The following KLHDC4 variants were observed in gnomAD, a reference collection of about 807,000 sequenced individuals.
KLHDC4 encodes the protein kelch domain containing 4.
Under a neutral mutation model 62.4 loss-of-function variants are expected in KLHDC4, and 90 were observed. The observed-to-expected ratio is 1.44, with a 90% CI of 1.22 to 1.72. The LOEUF (loss-of-function observed/expected upper bound fraction) is 1.72, where lower values mean the gene tolerates loss of function less well. KLHDC4 is among the 40% of genes most tolerant of loss of function. The pLI is 0.00. For missense variants in KLHDC4, 1,025 were observed against 699.7 expected (o/e 1.47, Z -5.25); for synonymous variants, 386 against 284.4 (o/e 1.36, Z -3.59).
chr16:87,702,518 C>T (rs1054247459), exon 1 of KLHDC4: 133 of 356,002 alleles, frequency 3.7e-4, no homozygotes, highest in Non-Finnish European at 5.0e-4. Flanking sequence ...CAGGCATGTC[C>T]GTGGCCTCCT....
intron 7 of KLHDC4, among the ~76,000 whole-genome samples, chr16:87,723,200 C>CT (rs60066913): frequency 0.057 from 8,690 of 152,212 alleles, 312 homozygotes; most frequent in South Asian, 0.15. Context: ...AGGCTACTGA[C>CT]TTTTTTTTAC....
At chr16:87,737,388 G>T (rs970554794) in intron 5 of KLHDC4, among the ~76,000 whole-genome samples, 2 of 151,958 alleles carry the variant, frequency 1.3e-5, no homozygotes, top group African/African-American at 4.8e-5. Context: ...AGGAGTTCAA[G>T]ACCAGCCTGG....
chr16:87,755,179 C>A lies in KLHDC4; in HGVS notation c.369+15G>T. ...GGGAAGAGGGAGGGTGGCTGAGAGTCAGTGCTGACATTACCTGGTGAGCAC... is the reference window on the plus strand; with the variant it reads ...GGGAAGAGGGAGGGTGGCTGAGAGTAAGTGCTGACATTACCTGGTGAGCAC... On this transcript the variant is annotated intron_variant, in intron 4 of 11. Transcript: ENST00000270583. 1.9e-6 allele frequency: 3 copies of A among 1,566,168 alleles called. No individual in the cohort carries two copies. Among genetic ancestry groups the A allele is most frequent in the Middle Eastern group, 1.7e-4 (1 of 5,756 alleles).
At chr16:87,742,144 G>A (rs959223555) in intron 5 of KLHDC4, among the ~76,000 whole-genome samples, 4 of 151,942 alleles carry the variant, frequency 2.6e-5, no homozygotes, top group African/African-American at 9.7e-5. Flanking sequence ...TCTCTCAGCA[G>A]CGGCCACATA....
intron 2 of KLHDC4, among the ~76,000 whole-genome samples, chr16:87,759,101 G>A (rs970803612): frequency 2.6e-5 from 4 of 152,194 alleles, no homozygotes; most frequent in African/African-American, 9.7e-5. Context: ...GAACCTGGGA[G>A]GTGGAGGTTG....
downstream of KLHDC4, among the ~76,000 whole-genome samples, chr16:87,705,260 A>G (rs1248110852): frequency 1.3e-5 from 2 of 152,230 alleles, no homozygotes; most frequent in Non-Finnish European, 2.9e-5. Context: ...CTATCTGGCC[A>G]CCAAGTAGTT....
chr16:87,716,194 C>T (rs755129973), intron 7 of KLHDC4, among the ~76,000 whole-genome samples: 6 of 148,820 alleles, frequency 4.0e-5, no homozygotes, highest in African/African-American at 1.5e-4. Flanking sequence ...ACTTTGGGTA[C>T]ACGCTATGGT....
intron 7 of KLHDC4, among the ~76,000 whole-genome samples, chr16:87,721,238 G>C (rs982435922): frequency 2.6e-5 from 4 of 152,082 alleles, no homozygotes; most frequent in African/African-American, 9.7e-5. Flanking sequence ...GGCTAACGCA[G>C]TAAAACCCCG....
At chr16:87,713,240 C>A (rs1436895722) in intron 8 of KLHDC4, among the ~76,000 whole-genome samples, 1 of 152,064 alleles carries the variant, frequency 6.6e-6, no homozygotes. Flanking sequence ...CGCTCTGTCG[C>A]CCAGGCTGGA....
chr16:87,713,697 G>C (rs533722578), intron 8 of KLHDC4, among the ~76,000 whole-genome samples: 1 of 152,058 alleles, frequency 6.6e-6, no homozygotes, highest in African/African-American at 2.4e-5. Flanking sequence ...AACATGAAAC[G>C]TGCCATGTGT....
chr16:87,765,376 A>G (rs2046494393), intron 1 of KLHDC4: 1 of 466,934 alleles, frequency 2.1e-6, no homozygotes, highest in South Asian at 1.5e-5. Context: ...AAAAGTTAAG[A>G]GTCTTACTCC....
chr16:87,750,249 C>G (rs2043716638), intron 4 of KLHDC4: 1 of 152,288 alleles, frequency 6.6e-6, no homozygotes, highest in South Asian at 2.1e-4. Flanking sequence ...GCAAATTAAG[C>G]AGTAGCTGGG....
intron 10 of KLHDC4, 135 bp downstream of exon 10, chr16:87,709,129 TG>T: frequency 8.9e-7 from 1 of 1,125,414 alleles, no homozygotes; most frequent in Non-Finnish European, 1.3e-6. Context: ...AATCTGACCG[TG>T]GAGGCAGGAG....
chr16:87,718,421 C>T (rs372223992), intron 7 of KLHDC4, among the ~76,000 whole-genome samples: 4 of 149,090 alleles, frequency 2.7e-5, no homozygotes, highest in South Asian at 4.4e-4. Context: ...TGATGCCGAG[C>T]GGAGGCTGGA....
chr16:87,710,988 A>T (rs2035691453), intron 9 of KLHDC4: 1 of 513,092 alleles, frequency 1.9e-6, no homozygotes, highest in African/African-American at 1.9e-5. Context: ...CGGGCACCTC[A>T]GCCCAGGGCA....
chr16:87,738,256 A>C (rs1035169023), intron 5 of KLHDC4, among the ~76,000 whole-genome samples: 1 of 152,152 alleles, frequency 6.6e-6, no homozygotes, highest in Non-Finnish European at 1.5e-5. Context: ...CTTCTCCAGG[A>C]AACTGACTTT....
chr16:87,737,054 G>A (rs949271948), intron 5 of KLHDC4, among the ~76,000 whole-genome samples: 1 of 140,080 alleles, frequency 7.1e-6, no homozygotes, highest in African/African-American at 2.6e-5. Context: ...GAACTCAGGA[G>A]GCAGAGGCTG....
intron 7 of KLHDC4, among the ~76,000 whole-genome samples, chr16:87,717,103 C>T (rs8053347): frequency 0.068 from 10,405 of 152,114 alleles, 1,190 homozygotes; most frequent in African/African-American, 0.24. Flanking sequence ...TGGTGGCATG[C>T]ATCTGTAGTC....
Position 87,765,968 on chromosome 16 carries a change from G to A in KLHDC4, c.-78C>T, listed in dbSNP as rs1021483569. On this transcript the variant is annotated 5_prime_UTR_variant, in exon 1 of 12. Transcript: ENST00000270583. ...TCTCCGCTCGGAAACAGGTGCTCGT[G>A]GGGCGGAGCTCGGCGCACAGAAATG... The A allele has an allele frequency of 4.3e-6, 6 of 1,397,492 alleles. No individual in the cohort carries two copies. The highest frequency in any genetic ancestry group is 2.9e-5 in the African/African-American group (2 of 70,030). The allele number at this position is 1,397,492 out of a possible 1,614,324, so 86.6% of individuals were successfully genotyped here. A position where few individuals can be genotyped will look rare whatever the true frequency, so the allele number is the denominator to read the frequency against.
Sources: allele counts gnomAD v4.1 joint callset (sites outside exome capture counted in the v4.1 genomes callset), GRCh38; gene constraint gnomAD v4.1.1; transcripts MANE v1.5; gene names NCBI Gene and HGNC (gene_info 2026-07-23, HGNC 2026-07-21).